The following DUS2 variants were observed in gnomAD, a reference collection of about 807,000 sequenced individuals.
DUS2 encodes the protein dihydrouridine synthase 2.
Under a neutral mutation model 71.3 loss-of-function variants are expected in DUS2, and 52 were observed. The ratio of observed to expected loss-of-function variants is 0.73; its 90% confidence interval spans 0.58 to 0.92. The LOEUF (loss-of-function observed/expected upper bound fraction) is 0.92, where lower values mean the gene tolerates loss of function less well. DUS2 is among the 40% of genes least tolerant of loss of function. The pLI is 0.00. For missense variants in DUS2, 558 were observed against 622.6 expected, an observed-to-expected ratio of 0.90 and a Z score of 1.10; for synonymous variants, 204 against 227.8, an observed-to-expected ratio of 0.90 and a Z score of 0.94.
chr16:68,077,101 A>G (rs1457408249), intron 15 of DUS2, among the ~76,000 whole-genome samples: 1 of 152,062 alleles, frequency 6.6e-6, no homozygotes, highest in Non-Finnish European at 1.5e-5. Context: ...TAAAAATACA[A>G]AAATTAGCTG....
intron 12 of DUS2, among the ~76,000 whole-genome samples, chr16:68,072,432 A>G (rs1398526701): frequency 6.6e-6 from 1 of 152,182 alleles, no homozygotes; most frequent in African/African-American, 2.4e-5. Flanking sequence ...GAGCTTGCTC[A>G]CTGGGTGAAA....
In DUS2 at chr16:68,038,107, G is replaced by A; in HGVS notation, c.84G>A (p.Arg28=). Residue 28 remains arginine (R), a synonymous_variant, in exon 3 of 17, where the codon AGG becomes AGA. Coordinates refer to ENST00000565263, the MANE Select transcript of DUS2 (RefSeq NM_017803.5). ...TTCGGGTAGGGACTCTTCCAATGAG[G>A]CTGCTGGCCCTGGATTATGGAGCGG... is the stretch of plus-strand genomic sequence containing the variant. ...PMVRVGTLPM[R]LLALDYGADI... is the part of the protein sequence containing the mutation. 2 of 1,613,958 alleles carry A rather than the reference G, an allele frequency of 1.2e-6. No homozygotes were observed. The highest frequency in any genetic ancestry group is 1.1e-5 in the South Asian group (1 of 91,072).
chr16:68,047,377 T>C (rs2033719293), intron 3 of DUS2, among the ~76,000 whole-genome samples: 1 of 151,984 alleles, frequency 6.6e-6, no homozygotes, highest in Non-Finnish European at 1.5e-5. Context: ...TTTTAATAAT[T>C]TTTGTCTTCT....
chr16:68,046,007 T>G (rs1315026146), intron 3 of DUS2, among the ~76,000 whole-genome samples: 2 of 152,196 alleles, frequency 1.3e-5, no homozygotes, highest in African/African-American at 2.4e-5. Context: ...CGTGAGCCAC[T>G]GTCCCTGGCC....
chr16:68,050,841 A>C (rs1013097556), intron 4 of DUS2, among the ~76,000 whole-genome samples: 1 of 152,228 alleles, frequency 6.6e-6, no homozygotes, highest in African/African-American at 2.4e-5. Context: ...AGGGGTTCCC[A>C]GTATTTTGCT....
At chr16:68,071,200 G>A (rs537621399) in intron 12 of DUS2, 92 bp downstream of exon 12, 124 of 1,400,626 alleles carry the variant, frequency 8.9e-5, no homozygotes, top group South Asian at 4.4e-4. Flanking sequence ...GCTGCCAGCT[G>A]TGCTTGCTGT....
intron 10 of DUS2, among the ~76,000 whole-genome samples, chr16:68,069,176 G>T (rs1311680959): frequency 6.6e-6 from 1 of 152,016 alleles, no homozygotes; most frequent in Non-Finnish European, 1.5e-5. Flanking sequence ...ATCACATGAG[G>T]TCAGGAGTTC....
At chr16:68,043,444 GTGAGCCACCGTGCC>G (rs573136956) in intron 3 of DUS2, among the ~76,000 whole-genome samples, 58 of 151,594 alleles carry the variant, frequency 3.8e-4, no homozygotes, top group Non-Finnish European at 6.5e-4. Flanking sequence ...GATTACAGGT[GTGAGCCACCGTGCC>G]TGGCTCACTT....
chr16:68,044,127 A>G (rs1442814293), intron 3 of DUS2, among the ~76,000 whole-genome samples: 1 of 151,438 alleles, frequency 6.6e-6, no homozygotes, highest in African/African-American at 2.4e-5. Flanking sequence ...CACAGTCTTG[A>G]TTATTGTAGC....
chr16:68,069,710 G>A (rs959375061), intron 10 of DUS2, among the ~76,000 whole-genome samples: 2 of 152,192 alleles, frequency 1.3e-5, no homozygotes, highest in African/African-American at 4.8e-5. Flanking sequence ...CTGTGTGGGA[G>A]TGGCCAGTCT....
At chr16:68,076,496 A>G (rs1001225323) in intron 14 of DUS2, 136 bp from the exon 15 acceptor site, 7 of 625,656 alleles carry the variant, frequency 1.1e-5, no homozygotes, top group Non-Finnish European at 8.5e-6. Context: ...GAGCAAGTAC[A>G]GAAGCCTTAA....
intron 14 of DUS2, 23 bp downstream of exon 14, chr16:68,075,527 G>T: frequency 1.9e-6 from 3 of 1,604,026 alleles, no homozygotes; most frequent in Non-Finnish European, 2.6e-6. Flanking sequence ...CTTGGCCTCA[G>T]CTTGGGCTAG....
intron 2 of DUS2, among the ~76,000 whole-genome samples, chr16:68,037,233 TAA>T: frequency 6.6e-6 from 1 of 151,676 alleles, no homozygotes; most frequent in Non-Finnish European, 1.5e-5. Context: ...ACTAGGTACT[TAA>T]TAAATATTCG....
At chr16:68,040,867 A>C (rs1463394125) in intron 3 of DUS2, among the ~76,000 whole-genome samples, 1 of 152,092 alleles carries the variant, frequency 6.6e-6, no homozygotes, top group Non-Finnish European at 1.5e-5. Flanking sequence ...CTGTGGGATT[A>C]GATAATCAAA....
intron 4 of DUS2, among the ~76,000 whole-genome samples, 165 bp downstream of exon 4, chr16:68,049,715 A>G (rs1253109515): frequency 2.0e-5 from 3 of 152,188 alleles, no homozygotes; most frequent in African/African-American, 4.8e-5. Context: ...AGGCCATGAC[A>G]AAAAGCCTGA....
chr16:68,072,163 T>G (rs1221055493), intron 12 of DUS2, among the ~76,000 whole-genome samples: 1 of 152,204 alleles, frequency 6.6e-6, no homozygotes, highest in Non-Finnish European at 1.5e-5. Flanking sequence ...TGTGAGTGTT[T>G]CCATGGCTGT....
intron 1 of DUS2, 175 bp downstream of exon 1, chr16:68,023,526 CT>C: frequency 2.7e-6 from 1 of 369,064 alleles, no homozygotes; most frequent in Non-Finnish European, 5.2e-6. Context: ...CTGGGATTCT[CT>C]TTAGTTGTTC....
chr16:68,023,285 G>C lies in DUS2; in HGVS notation c.-165G>C. 1 of 1,468,368 alleles carries C rather than the reference G, an allele frequency of 6.8e-7. No homozygotes were observed. The highest frequency in any genetic ancestry group is 2.4e-5 in the East Asian group (1 of 42,008). The allele number at this position is 1,468,368 out of a possible 1,614,324, so 91.0% of individuals were successfully genotyped here. On this transcript the variant is annotated 5_prime_UTR_variant, in exon 1 of 17. Coordinates refer to ENST00000565263, the MANE Select transcript of DUS2 (RefSeq NM_017803.5). ...CGCGTACGGTGGCTGGCGAGGCTCA[G>C]TACGGTGTGTGGAGCTGGAGCACCG... is the stretch of plus-strand genomic sequence containing the variant.
At chr16:68,070,282 C>T in intron 11 of DUS2, 62 bp downstream of exon 11, 1 of 1,509,450 alleles carries the variant, frequency 6.6e-7, no homozygotes, top group Non-Finnish European at 9.2e-7. Flanking sequence ...GGGTGGTAGC[C>T]AGGCCCAGCC....
Sources: gnomAD v4.1 joint callset for allele counts (sites outside exome capture counted in the v4.1 genomes callset) on GRCh38, gnomAD v4.1.1 for gene constraint, MANE v1.5 for transcripts, NCBI Gene and HGNC (gene_info 2026-07-23, HGNC 2026-07-21) for gene names.